ISOC1: variants seen among roughly 807,000 people sequenced by gnomAD.
The protein encoded by ISOC1 is isochorismatase domain containing 1.
ISOC1 carries 33 observed loss-of-function variants against 30.0 expected under a neutral mutation model. That is an observed-to-expected ratio of 1.10 (90% CI 0.83 to 1.47). ISOC1 has a LOEUF of 1.47. Among genes scored for constraint, ISOC1 ranks in the 40% most tolerant of loss-of-function variants. ISOC1 has a pLI of 0.00. For synonymous variants in ISOC1, 178 were observed against 159.8 expected, an observed-to-expected ratio of 1.11 and a Z score of -0.86; for missense variants, 372 against 388.0, an observed-to-expected ratio of 0.96 and a Z score of 0.35.
At chr5:129,110,788 C>T (rs1195870303) in intron 4 of ISOC1, among the ~76,000 whole-genome samples, 5 of 152,138 alleles carry the variant, frequency 3.3e-5, no homozygotes. Context: ...ATTTATCTTT[C>T]CTGTCTCACT....
intron 1 of ISOC1, among the ~76,000 whole-genome samples, chr5:129,099,357 C>T (rs1753544906): frequency 6.6e-6 from 1 of 152,184 alleles, no homozygotes; most frequent in African/African-American, 2.4e-5. Context: ...TGGGTGGAGA[C>T]AGCTGGCGTC....
At chr5:129,095,193 C>A in intron 1 of ISOC1, 118 bp downstream of exon 1, 1 of 1,011,930 alleles carries the variant, frequency 9.9e-7, no homozygotes, top group Non-Finnish European at 1.4e-6. Context: ...CCGGGCCCTG[C>A]GCGAGTGGCT....
intron 3 of ISOC1, 63 bp downstream of exon 3, chr5:129,105,451 A>T (rs1451123986): frequency 2.2e-6 from 3 of 1,376,640 alleles, no homozygotes; most frequent in African/African-American, 2.9e-5. Context: ...TATTTGTGGA[A>T]TGTAATTTCA....
chr5:129,100,388 G>T (rs1374744358), intron 1 of ISOC1, among the ~76,000 whole-genome samples: 2 of 151,856 alleles, frequency 1.3e-5, no homozygotes, highest in African/African-American at 4.8e-5. Context: ...GAAGCCATTG[G>T]CTATGATCAA....
chr5:129,095,968 A>C (rs894437833), intron 1 of ISOC1, among the ~76,000 whole-genome samples: 3 of 152,250 alleles, frequency 2.0e-5, no homozygotes, highest in African/African-American at 7.2e-5. Context: ...TTTAGCTGAG[A>C]AACTGATAAG....
rs779716884 is a variant in ISOC1, at chr5:129,106,963, A to G, written c.651A>G (p.Gln217=). The change falls in exon 4 of 5, where the codon CAA becomes CAG. Residue 217 remains glutamine (Q), a synonymous_variant. Coordinates refer to ENST00000173527, the MANE Select transcript of ISOC1 (RefSeq NM_016048.2). ...LFGVETHVCI[Q]QTALELVGRG... The stretch of plus-strand genomic sequence containing the variant: ...CCTACTAGACTCATGTGTGCATCCA[A>G]CAAACTGCCCTGGAGCTAGTTGGCC... The G allele has an allele frequency of 2.5e-6, 4 of 1,613,548 alleles. No individual in the cohort carries two copies. The highest frequency in any genetic ancestry group is 1.7e-4 in the Middle Eastern group (1 of 6,058).
chr5:129,109,877 G>A (rs952522870), intron 4 of ISOC1, among the ~76,000 whole-genome samples: 3 of 152,138 alleles, frequency 2.0e-5, no homozygotes, highest in Non-Finnish European at 4.4e-5. Context: ...CCCAAGACTA[G>A]CTATATTGCC....
intron 1 of ISOC1, among the ~76,000 whole-genome samples, 154 bp downstream of exon 1, chr5:129,095,229 G>C (rs1206351893): frequency 6.6e-6 from 1 of 152,174 alleles, no homozygotes. Flanking sequence ...CGCGTCTTTC[G>C]CAAGTTCCGG....
chr5:129,095,622 A>G (rs942397193), intron 1 of ISOC1, among the ~76,000 whole-genome samples: 2 of 152,226 alleles, frequency 1.3e-5, no homozygotes, highest in African/African-American at 4.8e-5. Flanking sequence ...AACCTTAAGC[A>G]AATAACCATT....
intron 1 of ISOC1, among the ~76,000 whole-genome samples, chr5:129,104,156 T>C (rs996843463): frequency 6.6e-6 from 1 of 152,164 alleles, no homozygotes; most frequent in East Asian, 1.9e-4. Context: ...GTCTCTTCCT[T>C]GTGAAGTAAA....
intron 1 of ISOC1, 88 bp from the exon 2 acceptor site, chr5:129,104,868 G>T: frequency 7.5e-7 from 1 of 1,335,552 alleles, no homozygotes; most frequent in South Asian, 1.4e-5. Flanking sequence ...CAAACAATAG[G>T]ACCATTTTTC....
intron 4 of ISOC1, among the ~76,000 whole-genome samples, chr5:129,111,878 C>T (rs927476522): frequency 6.6e-6 from 1 of 152,116 alleles, no homozygotes. Flanking sequence ...TGAAACTTTA[C>T]ACAACCTTGA....
chr5:129,106,509 A>T (rs1753639911), intron 3 of ISOC1, among the ~76,000 whole-genome samples: 2 of 152,058 alleles, frequency 1.3e-5, no homozygotes, highest in Non-Finnish European at 1.5e-5. Context: ...CCTCATAATG[A>T]CTCAGTTTTC....
At position 129,105,173 on chromosome 5, in the gene ISOC1, A is replaced by AT. The variant is rs559766632; in HGVS notation, c.430-4dup. On this transcript the variant is annotated splice_polypyrimidine_tract_variant and intron_variant, in intron 2 of 4. Transcript: ENST00000173527. ...TAGCTAATTGTTTTTGTGTTTGGTT[A>AT]TTTTTTTTCAGTTGCAAGGGGCCCG... The AT allele has an allele frequency of 8.7e-6, 14 of 1,612,084 alleles. No individual in the cohort carries two copies. The East Asian group carries it at 1.1e-4, about 13-fold the overall frequency.
chr5:129,095,853 A>G (rs1029246860), intron 1 of ISOC1, among the ~76,000 whole-genome samples: 9 of 152,164 alleles, frequency 5.9e-5, no homozygotes, highest in African/African-American at 2.2e-4. Flanking sequence ...TAGGCGGGTT[A>G]ATCTTCCGCC....
chr5:129,107,358 G>C (rs1260990169), intron 4 of ISOC1, among the ~76,000 whole-genome samples: 1 of 152,080 alleles, frequency 6.6e-6, no homozygotes, highest in African/African-American at 2.4e-5. Flanking sequence ...ATTCCAAGAA[G>C]CCTAACCTAA....
At chr5:129,097,330 A>C (rs1354192612) in intron 1 of ISOC1, among the ~76,000 whole-genome samples, 10 of 152,184 alleles carry the variant, frequency 6.6e-5, no homozygotes, top group Admixed American at 6.5e-4. Context: ...CACACTGTGT[A>C]TCGTATATAC....
At chr5:129,098,137 A>AT (rs528312718) in intron 1 of ISOC1, among the ~76,000 whole-genome samples, 476 of 152,292 alleles carry the variant, frequency 3.1e-3, no homozygotes, top group Non-Finnish European at 5.6e-3. Flanking sequence ...CTTCGTGCTT[A>AT]TTCTGACAGC....
chr5:129,098,118 A>G (rs529296313), intron 1 of ISOC1, among the ~76,000 whole-genome samples: 17 of 152,230 alleles, frequency 1.1e-4, no homozygotes, highest in African/African-American at 3.9e-4. Context: ...GCGCCGTGGT[A>G]TGAGTTGCCT....
Sources: allele counts gnomAD v4.1 joint callset (sites outside exome capture counted in the v4.1 genomes callset), GRCh38; gene constraint gnomAD v4.1.1; transcripts MANE v1.5; gene names NCBI Gene and HGNC (gene_info 2026-07-23, HGNC 2026-07-21).